The following MAGI2 variants were observed in gnomAD, a reference collection of about 807,000 sequenced individuals.
The protein encoded by MAGI2 is membrane associated guanylate kinase, WW and PDZ domain containing 2.
In MAGI2, 35 loss-of-function variants were observed where a neutral mutation model predicts 133.3. The observed-to-expected ratio is 0.26, with a 90% CI of 0.20 to 0.35. MAGI2 has a LOEUF of 0.35. MAGI2 is among the 10% of genes least tolerant of loss of function. The pLI, the probability that MAGI2 is intolerant of heterozygous loss-of-function variation, is 1.00. For missense variants in MAGI2, 1,636 were observed against 1,863.4 expected, an observed-to-expected ratio of 0.88 and a Z score of 2.25; for synonymous variants, 729 against 710.6, an observed-to-expected ratio of 1.03 and a Z score of -0.41.
intron 1 of MAGI2, among the ~76,000 whole-genome samples, chr7:79,148,890 A>T (rs897687905): frequency 8.2e-5 from 12 of 146,706 alleles, no homozygotes; most frequent in African/African-American, 2.7e-4. Context: ...TATATGTTTT[A>T]TATATATATG....
chr7:79,062,415 C>T (rs76585869), intron 1 of MAGI2, among the ~76,000 whole-genome samples: 1 of 152,228 alleles, frequency 6.6e-6, no homozygotes, highest in African/African-American at 2.4e-5. Context: ...TTGAAAAAGA[C>T]GTGGTACTTT....
intron 16 of MAGI2, among the ~76,000 whole-genome samples, chr7:78,146,463 T>C (rs888601855): frequency 1.3e-5 from 2 of 152,164 alleles, no homozygotes; most frequent in African/African-American, 2.4e-5. Context: ...GGAATCTGTT[T>C]GGAAAAAAAA....
chr7:79,323,089 C>T (rs967611588), intron 1 of MAGI2, among the ~76,000 whole-genome samples: 3 of 152,068 alleles, frequency 2.0e-5, no homozygotes, highest in African/African-American at 4.8e-5. Context: ...CCTCCCACCT[C>T]GGCCTCCCAA....
intron 2 of MAGI2, among the ~76,000 whole-genome samples, chr7:78,981,742 T>C (rs1804805508): frequency 6.6e-6 from 1 of 151,914 alleles, no homozygotes. Context: ...TTACAAATTG[T>C]GTATTTGTTT....
chr7:78,494,821 T>C (rs935972708), intron 5 of MAGI2, among the ~76,000 whole-genome samples: 1 of 152,036 alleles, frequency 6.6e-6, no homozygotes, highest in African/African-American at 2.4e-5. Context: ...AAACAATGAT[T>C]AATAAGTCCT....
At chr7:78,433,145 T>C (rs1799956057) in intron 6 of MAGI2, among the ~76,000 whole-genome samples, 1 of 152,076 alleles carries the variant, frequency 6.6e-6, no homozygotes, top group Admixed American at 6.6e-5. Context: ...AGACATTGAA[T>C]AATCAATGTT....
At chr7:78,325,025 T>C (rs798302) in intron 9 of MAGI2, among the ~76,000 whole-genome samples, 123,027 of 152,148 alleles carry the variant, frequency 0.81, 49,879 homozygotes, top group Middle Eastern at 0.88. Context: ...TGTCTCTCTA[T>C]AGCTGTCATC....
At chr7:78,581,392 C>T in intron 3 of MAGI2, among the ~76,000 whole-genome samples, 1 of 152,186 alleles carries the variant, frequency 6.6e-6, no homozygotes, top group East Asian at 1.9e-4. Context: ...TTTATCCATT[C>T]AAGGTCCGTG....
chr7:79,284,143 A>T (rs564471965), intron 1 of MAGI2, among the ~76,000 whole-genome samples: 1 of 152,156 alleles, frequency 6.6e-6, no homozygotes, highest in African/African-American at 2.4e-5. Context: ...TTCAGAACGA[A>T]TCCTGTCCTT....
intron 20 of MAGI2, among the ~76,000 whole-genome samples, chr7:78,096,312 C>T (rs569963699): frequency 2.6e-5 from 4 of 152,316 alleles, no homozygotes; most frequent in African/African-American, 9.6e-5. Context: ...CATTTAACCT[C>T]TGCAAATCTC....
intron 13 of MAGI2, among the ~76,000 whole-genome samples, chr7:78,178,707 C>G (rs987366222): frequency 3.9e-5 from 6 of 151,968 alleles, no homozygotes; most frequent in African/African-American, 1.5e-4. Flanking sequence ...GTTCAAGAAG[C>G]ATTTATTTTC....
In MAGI2 at chr7:79,190,908, A is replaced by G. The variant is rs962993958; in HGVS notation, c.302-183702T>C. On this transcript the variant is annotated intron_variant, in intron 1 of 21. Transcript: ENST00000354212. ...TTATTCTTTAATAGTTATTAGGTAA[A>G]TCAATGCCATTAAAAATAAGATATA... 4.0e-5 allele frequency among the ~76,000 whole-genome samples: 6 copies of G among 151,804 alleles called. 1 individual carries two copies. The highest frequency in any genetic ancestry group is 1.5e-4 in the African/African-American group (6 of 41,268).
At chr7:78,636,547 C>G (rs1332253722) in intron 2 of MAGI2, among the ~76,000 whole-genome samples, 1 of 151,934 alleles carries the variant, frequency 6.6e-6, no homozygotes, top group African/African-American at 2.4e-5. Flanking sequence ...GCCTGTAATC[C>G]CAGCACTTTG....
intron 1 of MAGI2, among the ~76,000 whole-genome samples, chr7:79,406,900 G>A (rs1356582273): frequency 6.6e-6 from 1 of 152,068 alleles, no homozygotes; most frequent in African/African-American, 2.4e-5. Flanking sequence ...GCAGGACTGA[G>A]GTGAGGATTT....
At chr7:78,219,142 T>C (rs1436768549) in intron 10 of MAGI2, among the ~76,000 whole-genome samples, 2 of 152,142 alleles carry the variant, frequency 1.3e-5, no homozygotes, top group Non-Finnish European at 2.9e-5. Flanking sequence ...AAGGGTTCAC[T>C]CCTGAGTCCT....
chr7:78,715,641 GA>G (rs1819625440), intron 2 of MAGI2, among the ~76,000 whole-genome samples: 2 of 152,254 alleles, frequency 1.3e-5, no homozygotes, highest in South Asian at 4.1e-4. Context: ...AAAAAGCATA[GA>G]AGGGTGAAGA....
rs1411030480 is a variant in MAGI2, at chr7:78,195,020, A to G, written c.2123T>C (p.Leu708Ser). Reference protein sequence around the residue: ...WENQGSPQTSLSAPAIPQNLP... With the variant: ...WENQGSPQTSSSAPAIPQNLP... Reference sequence around the variant, plus strand: ...GTTCTGCGGTATGGCCGGAGCAGATAAACTCGTTTGAGGACTGCCTTGATT... The same window carrying G: ...GTTCTGCGGTATGGCCGGAGCAGATGAACTCGTTTGAGGACTGCCTTGATT... Residue 708 changes from leucine to serine, a missense_variant, in exon 12 of 22, where the codon TTA becomes TCA. By Grantham distance (145) the Leu-to-Ser change is moderately radical (BLOSUM62 -2). Coordinates refer to ENST00000354212, the MANE Select transcript of MAGI2 (RefSeq NM_012301.4). 3.1e-6 allele frequency: 5 copies of G among 1,613,542 alleles called. No homozygotes were observed. The highest frequency in any genetic ancestry group is 4.2e-6 in the Non-Finnish European group (5 of 1,179,756).
intron 2 of MAGI2, among the ~76,000 whole-genome samples, chr7:78,739,155 T>C (rs1467960850): frequency 1.3e-5 from 2 of 152,180 alleles, no homozygotes; most frequent in Non-Finnish European, 2.9e-5. Flanking sequence ...TGAATTTATA[T>C]ATGGAATTAT....
intron 3 of MAGI2, among the ~76,000 whole-genome samples, chr7:78,555,779 T>C (rs915563321): frequency 6.6e-6 from 1 of 152,188 alleles, no homozygotes; most frequent in African/African-American, 2.4e-5. Context: ...TACACTTAGA[T>C]TGAGCATTTT....
Sources: allele counts gnomAD v4.1 joint callset (sites outside exome capture counted in the v4.1 genomes callset), GRCh38; gene constraint gnomAD v4.1.1; transcripts MANE v1.5; gene names NCBI Gene and HGNC (gene_info 2026-07-23, HGNC 2026-07-21).